The following FRYL variants were observed in gnomAD, a reference collection of about 807,000 sequenced individuals.
The protein encoded by FRYL is FRY like transcription coactivator, also known as protein furry homolog-like.
A neutral mutation model predicts 351.2 loss-of-function variants in FRYL; 150 were observed. That is an observed-to-expected ratio of 0.43 (90% confidence interval 0.37 to 0.49). The LOEUF is 0.49. Ranked by LOEUF, FRYL falls within the 20% of genes least tolerant of loss-of-function variation. The pLI is 0.00. For missense variants in FRYL, 3,036 were observed against 3,619.3 expected (o/e 0.84, Z 4.13); for synonymous variants, 1,153 against 1,257.1 (o/e 0.92, Z 1.75).
chr4:48,715,448 C>T (rs1768679601), intron 1 of FRYL, among the ~76,000 whole-genome samples: 2 of 152,010 alleles, frequency 1.3e-5, no homozygotes, highest in African/African-American at 4.8e-5. Context: ...AATCAATGTA[C>T]AAAAATCACA....
chr4:48,507,148 A>ATTT (rs1411236650), intron 59 of FRYL, among the ~76,000 whole-genome samples: 4 of 152,176 alleles, frequency 2.6e-5, no homozygotes, highest in African/African-American at 4.8e-5. Flanking sequence ...TTAATGGCTT[A>ATTT]TTTTTATACT....
At chr4:48,699,813 G>T (rs1214981324) in intron 2 of FRYL, among the ~76,000 whole-genome samples, 1 of 152,084 alleles carries the variant, frequency 6.6e-6, no homozygotes, top group Non-Finnish European at 1.5e-5. Context: ...CTGGTGTTCA[G>T]GGTCATCTGA....
chr4:48,605,698 T>C, intron 11 of FRYL, 43 bp downstream of exon 11: 1 of 1,226,792 alleles, frequency 8.2e-7, no homozygotes, highest in Non-Finnish European at 1.2e-6. Flanking sequence ...GATAAGGTTC[T>C]TGTATAACAC....
intron 2 of FRYL, among the ~76,000 whole-genome samples, chr4:48,701,787 C>T (rs953252245): frequency 6.6e-6 from 1 of 152,164 alleles, no homozygotes; most frequent in African/African-American, 2.4e-5. Flanking sequence ...AATACCTACA[C>T]ATTCATTATT....
chr4:48,563,538 C>T (rs1424554624), intron 31 of FRYL, among the ~76,000 whole-genome samples: 2 of 151,754 alleles, frequency 1.3e-5, no homozygotes, highest in African/African-American at 2.4e-5. Context: ...AGTGAGACCT[C>T]GTCGCTACAA....
At chr4:48,544,665 A>T in intron 43 of FRYL, 118 bp downstream of exon 43, 1 of 739,832 alleles carries the variant, frequency 1.4e-6, no homozygotes, top group Non-Finnish European at 2.0e-6. Context: ...TTAATAAATT[A>T]AAAGTCTAAA....
intron 3 of FRYL, among the ~76,000 whole-genome samples, chr4:48,675,783 T>A (rs527940846): frequency 3.0e-4 from 45 of 152,302 alleles, no homozygotes; most frequent in African/African-American, 1.1e-3. Flanking sequence ...CAGGATCCAC[T>A]AGGTGAAGCC....
At chr4:48,655,761 A>G (rs1156234628) in intron 3 of FRYL, among the ~76,000 whole-genome samples, 1 of 146,102 alleles carries the variant, frequency 6.8e-6, no homozygotes, top group Non-Finnish European at 1.5e-5. Context: ...ATTATATAAT[A>G]CATTATGTAA....
intron 1 of FRYL, among the ~76,000 whole-genome samples, chr4:48,773,302 G>C (rs1056333022): frequency 6.6e-5 from 10 of 152,030 alleles, no homozygotes; most frequent in African/African-American, 2.4e-4. Context: ...ACTTATTAAG[G>C]GTCTACCAAG....
In FRYL at chr4:48,567,473, A is replaced by C; in HGVS notation, c.2997-53T>G. ...GAAGTAAATGGGACTTTATGATTTA[A>C]ATAAAAAATTCTTAATACTCAAAAT... On this transcript the variant is annotated intron_variant, in intron 27 of 63. Coordinates refer to ENST00000358350, the MANE Select transcript of FRYL (RefSeq NM_015030.2). The surrounding 1 kb of genome is among the most constrained non-coding windows in gnomAD (Gnocchi z 4.2). 1 of 1,371,410 alleles carries C rather than the reference A, an allele frequency of 7.3e-7. No individual in the cohort carries two copies. Among genetic ancestry groups the C allele is most frequent in the South Asian group, 1.5e-5 (1 of 67,870 alleles). 85.0% of individuals were successfully genotyped at this position (1,371,410 alleles called of 1,614,324 possible).
intron 1 of FRYL, among the ~76,000 whole-genome samples, chr4:48,721,280 AG>A (rs1310438406): frequency 6.6e-6 from 1 of 152,030 alleles, no homozygotes; most frequent in African/African-American, 2.4e-5. Context: ...TAGAGAGTGG[AG>A]GGGCAGGAAT....
intron 1 of FRYL, among the ~76,000 whole-genome samples, chr4:48,778,099 G>A (rs180856860): frequency 6.6e-6 from 1 of 152,286 alleles, no homozygotes; most frequent in African/African-American, 2.4e-5. Context: ...ACGGAGCCTG[G>A]GGTGGGAGGA....
intron 2 of FRYL, among the ~76,000 whole-genome samples, chr4:48,686,466 C>A (rs1367694238): frequency 1.3e-5 from 2 of 152,068 alleles, no homozygotes; most frequent in Non-Finnish European, 2.9e-5. Flanking sequence ...AATCTTGATA[C>A]TTTGCTTATC....
intron 27 of FRYL, 62 bp downstream of exon 27, chr4:48,570,765 G>T: frequency 8.2e-7 from 1 of 1,221,458 alleles, no homozygotes; most frequent in Non-Finnish European, 1.2e-6. Flanking sequence ...TTTCATGAGC[G>T]AAAAGAGATT....
intron 1 of FRYL, among the ~76,000 whole-genome samples, chr4:48,720,163 A>T (rs546406988): frequency 6.7e-6 from 1 of 150,200 alleles, no homozygotes; most frequent in South Asian, 2.1e-4. Flanking sequence ...AAAAAAAAAA[A>T]TCAGGAAAAT....
chr4:48,757,564 C>T (rs1773929266), intron 1 of FRYL, among the ~76,000 whole-genome samples: 1 of 151,964 alleles, frequency 6.6e-6, no homozygotes, highest in Non-Finnish European at 1.5e-5. Flanking sequence ...AGGAGAACTA[C>T]AGACCACTGC....
intron 2 of FRYL, among the ~76,000 whole-genome samples, chr4:48,690,794 A>G (rs1428733022): frequency 6.6e-6 from 1 of 152,220 alleles, no homozygotes; most frequent in Non-Finnish European, 1.5e-5. Context: ...CTAAGGTCCT[A>G]TAAGATCAAA....
intron 3 of FRYL, among the ~76,000 whole-genome samples, chr4:48,657,173 G>T (rs748862418): frequency 6.6e-6 from 1 of 151,832 alleles, no homozygotes; most frequent in Non-Finnish European, 1.5e-5. Context: ...TACTAATCCT[G>T]TTTTTGTTTT....
chr4:48,678,532 T>C (rs1003955396), intron 3 of FRYL, among the ~76,000 whole-genome samples: 5 of 72,132 alleles, frequency 6.9e-5, no homozygotes, highest in African/African-American at 2.8e-4. Flanking sequence ...AAAAAAAAAA[T>C]AGAGAGAGAA....
Sources: gnomAD v4.1 joint callset for allele counts (sites outside exome capture counted in the v4.1 genomes callset) on GRCh38, gnomAD v4.1.1 for gene constraint, Gnocchi (gnomAD v3.1) non-coding constraint, MANE v1.5 for transcripts, NCBI Gene and HGNC (gene_info 2026-07-23, HGNC 2026-07-21) for gene names.